The following RPGRIP1L variants were observed in gnomAD, a reference collection of about 807,000 sequenced individuals.
RPGRIP1L encodes protein fantom.
In RPGRIP1L, 131 loss-of-function variants were observed where a neutral mutation model predicts 160.4. The observed-to-expected ratio is 0.82, with a 90% CI of 0.71 to 0.94. The LOEUF is 0.94. Among genes scored for constraint, RPGRIP1L ranks in the 40% least tolerant of loss-of-function variants. The pLI, the probability that RPGRIP1L is intolerant of heterozygous loss-of-function variation, is 0.00. For missense variants in RPGRIP1L, 1,522 were observed against 1,535.8 expected, an observed-to-expected ratio of 0.99 and a Z score of 0.15; for synonymous variants, 510 against 515.8, an observed-to-expected ratio of 0.99 and a Z score of 0.15.
intron 22 of RPGRIP1L, among the ~76,000 whole-genome samples, chr16:53,629,486 T>C (rs538847652): frequency 6.6e-6 from 1 of 152,176 alleles, no homozygotes; most frequent in Non-Finnish European, 1.5e-5. Flanking sequence ...TTGAGAAATA[T>C]TGCTCTAAAC....
chr16:53,693,733 T>C (rs1271665286), intron 3 of RPGRIP1L: 5 of 152,134 alleles, frequency 3.3e-5, no homozygotes, highest in Non-Finnish European at 5.9e-5. Flanking sequence ...GGTATCACAG[T>C]CCAAGAGGGC....
At chr16:53,675,517 T>C (rs1171389037) in intron 6 of RPGRIP1L, among the ~76,000 whole-genome samples, 1 of 152,170 alleles carries the variant, frequency 6.6e-6, no homozygotes, top group Non-Finnish European at 1.5e-5. Context: ...ACTATCACGC[T>C]ACTTTTCCCT....
rs936126643 is a variant in RPGRIP1L, at chr16:53,611,559, G to A, written c.3617-508C>T. Among the ~76,000 whole-genome samples, 3 of 152,230 alleles carry A rather than the reference G, an allele frequency of 2.0e-5. No homozygotes were observed. In the South Asian group the frequency reaches 6.2e-4, roughly 32 times the overall value. ...CCGCAGGCTGACGCCTGCTGGGGAG[G>A]GGTATGGGAGAGAAACGTGCAGGGA... On this transcript the variant is annotated intron_variant, in intron 24 of 26. Transcript: ENST00000647211.
chr16:53,686,333 T>A, intron 6 of RPGRIP1L, 100 bp downstream of exon 6: 1 of 1,285,854 alleles, frequency 7.8e-7, no homozygotes, highest in Non-Finnish European at 1.1e-6. Flanking sequence ...AAAAACATGA[T>A]TTTTAAATAG....
intron 10 of RPGRIP1L, among the ~76,000 whole-genome samples, chr16:53,660,349 T>G (rs1967671785): frequency 6.6e-6 from 1 of 152,182 alleles, no homozygotes; most frequent in South Asian, 2.1e-4. Flanking sequence ...CTTAAAAAAA[T>G]GAACACATTT....
At chr16:53,694,550 T>G (rs1363638094) in intron 3 of RPGRIP1L, 1 of 152,184 alleles carries the variant, frequency 6.6e-6, no homozygotes, top group Non-Finnish European at 1.5e-5. Context: ...GTTTCGCTCT[T>G]ATTGCCCAAG....
In RPGRIP1L at chr16:53,629,799, A is replaced by G. The variant is rs371576869; in HGVS notation, c.3294+6640T>C. ...TGGCATTGCAGCTATATGGTATTCA[A>G]CTGTGCCCTTGTGGAGTGAAAGCAG... On this transcript the variant is annotated intron_variant, in intron 22 of 26. Coordinates refer to ENST00000647211, the MANE Select transcript of RPGRIP1L (RefSeq NM_015272.5). Among the ~76,000 whole-genome samples the G allele has an allele frequency of 1.1e-4, 16 of 152,308 alleles. No homozygotes were observed. The East Asian group carries it at 1.9e-3, about 18-fold the overall frequency.
chr16:53,680,774 G>C (rs764481765), intron 6 of RPGRIP1L, among the ~76,000 whole-genome samples: 20 of 151,944 alleles, frequency 1.3e-4, no homozygotes, highest in Non-Finnish European at 1.5e-4. Context: ...CACCTAATGG[G>C]AGTAAGGAAG....
At chr16:53,624,439 G>T (rs1964940697) in intron 22 of RPGRIP1L, among the ~76,000 whole-genome samples, 1 of 152,032 alleles carries the variant, frequency 6.6e-6, no homozygotes, top group Admixed American at 6.5e-5. Context: ...TGGTACTCGG[G>T]AGGCTGAGGC....
chr16:53,688,323 T>C (rs1280138512), intron 4 of RPGRIP1L, among the ~76,000 whole-genome samples: 2 of 152,072 alleles, frequency 1.3e-5, no homozygotes, highest in Non-Finnish European at 2.9e-5. Flanking sequence ...CCTGATTTTT[T>C]CCCCAGTGTT....
At chr16:53,696,837 A>G (rs1970799123) in intron 2 of RPGRIP1L, among the ~76,000 whole-genome samples, 1 of 152,200 alleles carries the variant, frequency 6.6e-6, no homozygotes, top group Non-Finnish European at 1.5e-5. Context: ...CCTTATATAA[A>G]TTTTAAGAAC....
intron 9 of RPGRIP1L, among the ~76,000 whole-genome samples, chr16:53,669,231 A>G (rs1968519165): frequency 6.6e-6 from 1 of 152,196 alleles, no homozygotes; most frequent in Non-Finnish European, 1.5e-5. Context: ...TGTATCATAT[A>G]TTTCAAAAAC....
At position 53,602,192 on chromosome 16, in the gene RPGRIP1L, G is replaced by T. The variant is rs1233984342; in HGVS notation, c.3836-4C>A. 10 of 1,598,212 alleles carry T rather than the reference G, an allele frequency of 6.3e-6. No homozygotes were observed. Among genetic ancestry groups the T allele is most frequent in the Non-Finnish European group, 8.6e-6 (10 of 1,165,794 alleles). On this transcript the variant is annotated splice_polypyrimidine_tract_variant and splice_region_variant and intron_variant, in intron 26 of 26. Coordinates refer to ENST00000647211, the MANE Select transcript of RPGRIP1L (RefSeq NM_015272.5). ...CCATCTGCTCGTGCATCAAAAACTA[G>T]GGAGAAAAGAGCAGGAAAGTGTTAA... is the stretch of plus-strand genomic sequence containing the variant.
intron 5 of RPGRIP1L, among the ~76,000 whole-genome samples, chr16:53,687,325 C>A (rs1394207004): frequency 6.6e-6 from 1 of 152,068 alleles, no homozygotes; most frequent in Non-Finnish European, 1.5e-5. Context: ...ACACTGAAAC[C>A]ATGAGGCTTG....
At chr16:53,643,417 A>C (rs1454709543) in intron 17 of RPGRIP1L, among the ~76,000 whole-genome samples, 1 of 152,132 alleles carries the variant, frequency 6.6e-6, no homozygotes, top group East Asian at 1.9e-4. Context: ...GGAGAAATCA[A>C]AGAGGACCCT....
intron 6 of RPGRIP1L, among the ~76,000 whole-genome samples, chr16:53,681,170 C>T (rs74420740): frequency 0.016 from 2,484 of 152,244 alleles, 23 homozygotes; most frequent in Non-Finnish European, 0.025. Context: ...ATTTGACAGT[C>T]GGCTGTCCGC....
chr16:53,702,710 G>A (rs1253784885), intron 1 of RPGRIP1L, among the ~76,000 whole-genome samples: 1 of 149,946 alleles, frequency 6.7e-6, no homozygotes, highest in African/African-American at 2.5e-5. Context: ...TTGAGACAGG[G>A]TCTTGCTATG....
intron 22 of RPGRIP1L, among the ~76,000 whole-genome samples, chr16:53,624,335 G>C (rs1964930943): frequency 6.6e-6 from 1 of 152,192 alleles, no homozygotes; most frequent in South Asian, 2.1e-4. Flanking sequence ...GGCAGATCAT[G>C]AGGTCAGGAG....
chr16:53,643,392 CTG>C (rs888330970), intron 17 of RPGRIP1L, among the ~76,000 whole-genome samples: 4 of 151,374 alleles, frequency 2.6e-5, no homozygotes, highest in Non-Finnish European at 5.9e-5. Flanking sequence ...ACACACAAAA[CTG>C]TGTAAATGCT....
Sources: gnomAD v4.1 joint callset for allele counts (sites outside exome capture counted in the v4.1 genomes callset) on GRCh38, gnomAD v4.1.1 for gene constraint, MANE v1.5 for transcripts, NCBI Gene and HGNC (gene_info 2026-07-23, HGNC 2026-07-21) for gene names.